The following BANP variants were observed in gnomAD, a reference collection of about 807,000 sequenced individuals.
BANP encodes protein BANP.
In BANP, 11 loss-of-function variants were observed where a neutral mutation model predicts 68.1. The ratio of observed to expected loss-of-function variants is 0.16; its 90% CI spans 0.10 to 0.27. BANP has a LOEUF of 0.27. Among genes scored for constraint, BANP ranks in the 10% least tolerant of loss-of-function variants. BANP has a pLI of 1.00. For synonymous variants in BANP, 329 were observed against 303.2 expected (o/e 1.09, Z -0.88); for missense variants, 504 against 722.7 (o/e 0.70, Z 3.47).
intron 4 of BANP, among the ~76,000 whole-genome samples, chr16:87,991,188 T>A (rs1268294536): frequency 6.6e-6 from 1 of 152,186 alleles, no homozygotes; most frequent in Non-Finnish European, 1.5e-5. Flanking sequence ...TATGATACAG[T>A]TTACATACCT....
chr16:88,041,008 C>A (rs908868961), intron 11 of BANP, among the ~76,000 whole-genome samples: 1 of 152,224 alleles, frequency 6.6e-6, no homozygotes, highest in Non-Finnish European at 1.5e-5. Flanking sequence ...GCCAGGCCTT[C>A]CCTCTTCCGG....
intron 4 of BANP, among the ~76,000 whole-genome samples, chr16:87,996,441 G>A (rs552937625): frequency 5.2e-4 from 79 of 150,700 alleles, no homozygotes; most frequent in Non-Finnish European, 8.9e-4. Context: ...GAGTGTTGCT[G>A]GGCCCTCGTC....
chr16:87,990,268 A>G (rs2065587056), intron 4 of BANP, among the ~76,000 whole-genome samples: 1 of 152,250 alleles, frequency 6.6e-6, no homozygotes, highest in African/African-American at 2.4e-5. Flanking sequence ...TACAACAATT[A>G]TAAACCATAG....
At chr16:88,076,005 C>G (rs1413210646) in intron 13 of BANP, among the ~76,000 whole-genome samples, 1 of 152,180 alleles carries the variant, frequency 6.6e-6, no homozygotes, top group East Asian at 1.9e-4. Context: ...CTCAGCCTCC[C>G]AAAGCCCTGG....
rs568892163 is a variant in BANP, at chr16:87,957,779, C to A, written c.-69+6264C>A. Among the ~76,000 whole-genome samples, 1 of 152,252 alleles carries A rather than the reference C, an allele frequency of 6.6e-6. No homozygotes were observed. The highest frequency in any genetic ancestry group is 1.9e-4 in the East Asian group (1 of 5,206). On this transcript the variant is annotated intron_variant, in intron 1 of 13. Coordinates refer to ENST00000682872, the MANE Select transcript of BANP (RefSeq NM_001386991.1). The surrounding 1 kb of genome is among the most constrained non-coding windows in gnomAD (Gnocchi z 4.3). The stretch of plus-strand genomic sequence containing the variant: ...CCGTAAATATGGCAGAACGCCTTCA[C>A]CTTTCACCAGATGACGCGGGGGGAA...
chr16:87,965,517 G>A (rs1384820181), intron 1 of BANP, among the ~76,000 whole-genome samples: 1 of 151,242 alleles, frequency 6.6e-6, no homozygotes, highest in Non-Finnish European at 1.5e-5. Context: ...GCAGGAGTGG[G>A]CATTCTTGGG....
At chr16:88,046,244 G>A (rs1343893061) in intron 11 of BANP, among the ~76,000 whole-genome samples, 2 of 152,240 alleles carry the variant, frequency 1.3e-5, no homozygotes, top group South Asian at 2.1e-4. Flanking sequence ...GTGTGTGTGT[G>A]TGATTTTAGA....
chr16:88,004,604 C>T lies in BANP; in HGVS notation c.479+193C>T, dbSNP rs1255828740. 6.6e-6 allele frequency among the ~76,000 whole-genome samples: 1 copy of T among 152,210 alleles called. No individual in the cohort carries two copies. ...GGCTGGGCGATGCTGAATGCTGAGT[C>T]CAGCCACACCAGGGGCAGCTGCCGC... is the stretch of plus-strand genomic sequence containing the variant. On this transcript the variant is annotated intron_variant, in intron 5 of 13. Transcript: ENST00000682872. This position sits in a 1 kb window ranked among gnomAD's most constrained non-coding sequence, Gnocchi z 7.0.
intron 4 of BANP, among the ~76,000 whole-genome samples, chr16:87,991,620 A>G (rs2065910564): frequency 6.6e-6 from 1 of 152,206 alleles, no homozygotes. Flanking sequence ...ATTTTGTTAC[A>G]TTTATCTCTG....
intron 11 of BANP, among the ~76,000 whole-genome samples, chr16:88,060,054 G>A (rs531408943): frequency 6.6e-6 from 1 of 152,380 alleles, no homozygotes; most frequent in South Asian, 2.1e-4. Context: ...AAGATGGCAG[G>A]TGCTCTGACT....
intron 6 of BANP, among the ~76,000 whole-genome samples, chr16:88,009,812 A>G (rs111854427): frequency 6.6e-6 from 1 of 151,538 alleles, no homozygotes; most frequent in African/African-American, 2.4e-5. Flanking sequence ...ACAGTAGACT[A>G]TGTCTCATTA....
chr16:88,005,951 G>A lies in BANP; in HGVS notation c.480-139G>A. The A allele has an allele frequency of 1.7e-5, 16 of 938,730 alleles. 1 individual carries two copies. The South Asian group carries it at 2.1e-4, about 12-fold the overall frequency. The allele number at this position is 938,730 out of a possible 1,614,324, so 58.2% of individuals were successfully genotyped here. A position where few individuals can be genotyped will look rare whatever the true frequency, so the allele number is the denominator to read the frequency against. On this transcript the variant is annotated intron_variant, in intron 5 of 13. Coordinates refer to ENST00000682872, the MANE Select transcript of BANP (RefSeq NM_001386991.1). ...TCCCATGGAGTTTCTATTAATCTTG[G>A]TAGAGAGAGCAGTATGGGAAGGCTG...
chr16:87,981,587 G>A (rs4843765), intron 3 of BANP, among the ~76,000 whole-genome samples: 53,067 of 152,168 alleles, frequency 0.35, 10,561 homozygotes, highest in Non-Finnish European at 0.47. Context: ...TAGGATGTGG[G>A]TATATCACTT....
chr16:87,987,975 G>A (rs2064902694), intron 4 of BANP, among the ~76,000 whole-genome samples: 1 of 152,012 alleles, frequency 6.6e-6, no homozygotes, highest in Admixed American at 6.6e-5. Flanking sequence ...TGTTGTACAG[G>A]CTGGGCATCT....
At chr16:87,999,371 CGTCT>C (rs2068434849) in intron 4 of BANP, among the ~76,000 whole-genome samples, 2 of 143,414 alleles carry the variant, frequency 1.4e-5, no homozygotes, top group Non-Finnish European at 3.1e-5. Flanking sequence ...CTTCCAGACA[CGTCT>C]CCATGCACGC....
At chr16:88,040,134 C>T (rs1040551676) in intron 11 of BANP, among the ~76,000 whole-genome samples, 2 of 152,176 alleles carry the variant, frequency 1.3e-5, no homozygotes, top group African/African-American at 2.4e-5. Context: ...TGGTACATGG[C>T]CCCTGCTTCT....
At chr16:87,966,588 C>A (rs1045176758) in intron 1 of BANP, 2 of 152,178 alleles carry the variant, frequency 1.3e-5, no homozygotes, top group African/African-American at 4.8e-5. Context: ...TGTGTGGTGT[C>A]CTCATTTGGA....
intron 4 of BANP, among the ~76,000 whole-genome samples, chr16:87,996,248 G>A (rs898873537): frequency 2.0e-4 from 30 of 152,200 alleles, no homozygotes; most frequent in African/African-American, 6.8e-4. Flanking sequence ...CCTAGTCACC[G>A]CCTGAGACCG....
intron 11 of BANP, among the ~76,000 whole-genome samples, chr16:88,044,155 A>G (rs1486228385): frequency 6.6e-6 from 1 of 152,046 alleles, no homozygotes; most frequent in African/African-American, 2.4e-5. Flanking sequence ...ATAAAGGCCA[A>G]CTCGCATTCT....
Sources: gnomAD v4.1 joint callset for allele counts (sites outside exome capture counted in the v4.1 genomes callset) on GRCh38, gnomAD v4.1.1 for gene constraint, Gnocchi (gnomAD v3.1) non-coding constraint, MANE v1.5 for transcripts, NCBI Gene and HGNC (gene_info 2026-07-23, HGNC 2026-07-21) for gene names.